The following PLCG2 variants were observed in gnomAD, a reference collection of about 807,000 sequenced individuals.
PLCG2 encodes phospholipase C gamma 2.
PLCG2 carries 69 observed loss-of-function variants against 175.6 expected under a neutral mutation model. That is an observed-to-expected ratio of 0.39 (90% CI 0.32 to 0.48). The LOEUF is 0.48. Ranked by LOEUF, PLCG2 falls within the 20% of genes least tolerant of loss-of-function variation. PLCG2 has a pLI of 0.91. For missense variants in PLCG2, 1,798 were observed against 1,650.9 expected (o/e 1.09, Z -1.54); for synonymous variants, 827 against 624.0 (o/e 1.33, Z -4.85).
At chr16:81,746,003 AG>A (rs1322002683) in intron 1 of PLCG2, among the ~76,000 whole-genome samples, 1 of 152,208 alleles carries the variant, frequency 6.6e-6, no homozygotes, top group Non-Finnish European at 1.5e-5. Flanking sequence ...TGTGTAAAGG[AG>A]GAAGAACAAG....
chr16:81,750,244 C>T (rs1001992333), intron 1 of PLCG2, among the ~76,000 whole-genome samples: 1 of 151,918 alleles, frequency 6.6e-6, no homozygotes, highest in Non-Finnish European at 1.5e-5. Flanking sequence ...TCCATCTCTG[C>T]TAAAAATACA....
intron 5 of PLCG2, among the ~76,000 whole-genome samples, chr16:81,859,952 A>T (rs918587940): frequency 6.6e-6 from 1 of 152,082 alleles, no homozygotes; most frequent in African/African-American, 2.4e-5. Flanking sequence ...TCAGTCCTGC[A>T]CAAAGCTCTA....
At chr16:81,829,858 C>T (rs185655633) in intron 2 of PLCG2, among the ~76,000 whole-genome samples, 189 of 151,770 alleles carry the variant, frequency 1.2e-3, no homozygotes, top group Non-Finnish European at 2.2e-3. Flanking sequence ...GAAGGAACCT[C>T]TGAGTGGGGG....
At chr16:81,957,920 G>T (rs1351223405) in intron 32 of PLCG2, 36 bp from the exon 33 acceptor site, 3 of 1,600,786 alleles carry the variant, frequency 1.9e-6, no homozygotes, top group Non-Finnish European at 2.6e-6. Context: ...CATTTCTCAT[G>T]GCCCACTGCT....
At chr16:81,881,037 CTG>C in intron 8 of PLCG2, 84 bp downstream of exon 8, 1 of 1,386,728 alleles carries the variant, frequency 7.2e-7, no homozygotes, top group Admixed American at 1.7e-5. Context: ...GAGGGGATGC[CTG>C]TGTGTGCAGG....
chr16:81,778,063 A>AAAACAAAAAAAC (rs774506846), upstream of PLCG2, among the ~76,000 whole-genome samples: 268 of 104,792 alleles, frequency 2.6e-3, 10 homozygotes, highest in Non-Finnish European at 3.4e-3. Flanking sequence ...AACAAAAAAA[A>AAAACAAAAAAAC]CCAAAAACAC....
At chr16:81,749,162 G>T (rs1356704561) in intron 1 of PLCG2, among the ~76,000 whole-genome samples, 1 of 152,048 alleles carries the variant, frequency 6.6e-6, no homozygotes, top group African/African-American at 2.4e-5. Flanking sequence ...TCACACTACT[G>T]GTTGGGTGGT....
chr16:81,892,155 C>A (rs1445707763), intron 11 of PLCG2, among the ~76,000 whole-genome samples: 1 of 152,204 alleles, frequency 6.6e-6, no homozygotes, highest in Non-Finnish European at 1.5e-5. Flanking sequence ...GCAGGAACAA[C>A]TGAGAGGAGT....
chr16:81,873,927 G>T (rs561725223), intron 7 of PLCG2, among the ~76,000 whole-genome samples: 1 of 152,148 alleles, frequency 6.6e-6, no homozygotes, highest in African/African-American at 2.4e-5. Flanking sequence ...AGGCTAGTCT[G>T]TGTGTTTGTG....
chr16:81,897,128 A>G (rs1487531268), intron 13 of PLCG2, among the ~76,000 whole-genome samples: 1 of 152,248 alleles, frequency 6.6e-6, no homozygotes, highest in African/African-American at 2.4e-5. Context: ...CTTGAATTAC[A>G]CATTACAAAA....
chr16:81,890,804 T>A (rs748943491), intron 10 of PLCG2, among the ~76,000 whole-genome samples: 3 of 152,208 alleles, frequency 2.0e-5, no homozygotes, highest in Non-Finnish European at 4.4e-5. Context: ...CTGATATGGA[T>A]AACACTCTGT....
At chr16:81,908,365 C>G (rs758353499) in intron 16 of PLCG2, 51 bp from the exon 17 acceptor site, 8 of 1,529,394 alleles carry the variant, frequency 5.2e-6, no homozygotes, top group African/African-American at 2.7e-5. Flanking sequence ...TCTAGTGATG[C>G]TGGGGTTTGG....
intron 7 of PLCG2, among the ~76,000 whole-genome samples, chr16:81,875,028 A>G (rs1907711289): frequency 1.4e-5 from 2 of 138,932 alleles, no homozygotes; most frequent in Admixed American, 1.6e-4. Context: ...CAATGGCACG[A>G]TCTTGATTCA....
At chr16:81,817,638 A>G (rs1392766742) in intron 2 of PLCG2, among the ~76,000 whole-genome samples, 1 of 152,106 alleles carries the variant, frequency 6.6e-6, no homozygotes, top group Non-Finnish European at 1.5e-5. Context: ...TGATTATTTT[A>G]TTTTATCTAT....
rs137996393 is a variant in PLCG2 at position 81,881,187 on chromosome 16, C to T, written c.692+234C>T. 2.3e-3 allele frequency among the ~76,000 whole-genome samples: 352 copies of T among 151,834 alleles called. 12 individuals carry two copies. The East Asian group carries it at 0.038, about 17-fold the overall frequency. On this transcript the variant is annotated intron_variant, in intron 8 of 32. Transcript: ENST00000564138. ...GGTCCAGAAAGTTCTGTAGAAAAGC[C>T]TGTGTGCCTCAGGGCCTCCTTTCCC...
At chr16:81,870,109 A>G (rs567629789) in intron 6 of PLCG2, among the ~76,000 whole-genome samples, 6 of 152,230 alleles carry the variant, frequency 3.9e-5, no homozygotes, top group Non-Finnish European at 7.3e-5. Flanking sequence ...AATATTCCAC[A>G]TTAATCCAAT....
chr16:81,956,813 C>A lies in PLCG2; in HGVS notation c.3689C>A (p.Ala1230Asp), dbSNP rs542811647. Reference protein sequence around the residue: ...HQNLRNANRDALVKEFSVNEN... With the variant: ...HQNLRNANRDDLVKEFSVNEN... ...AACTTGCGCAATGCCAACCGGGATG[C>A]CCTGGTTAAAGAGTTCAGTGTTAAT... Residue 1230 changes from alanine to aspartate, a missense_variant, in exon 32 of 33, where the codon GCC becomes GAC. Physicochemically the swap from Ala to Asp is moderately radical, Grantham distance 126. Coordinates refer to ENST00000564138, the MANE Select transcript of PLCG2 (RefSeq NM_002661.5). The A allele has an allele frequency of 6.2e-7, 1 of 1,614,086 alleles. No individual in the cohort carries two copies. Among genetic ancestry groups the A allele is most frequent in the African/African-American group, 1.3e-5 (1 of 75,046 alleles).
At chr16:81,749,584 C>A (rs1029379318) in intron 1 of PLCG2, among the ~76,000 whole-genome samples, 1 of 152,172 alleles carries the variant, frequency 6.6e-6, no homozygotes, top group East Asian at 1.9e-4. Context: ...AAACTCCTGA[C>A]CTCAAGTGAT....
In PLCG2 at chr16:81,928,627, A is replaced by T; in HGVS notation, c.2581+3A>T. On this transcript the variant is annotated splice_donor_region_variant and intron_variant, in intron 24 of 32. Transcript: ENST00000564138. ...GGACCTCAATACCTATAACGTCGGT[A>T]CGTGCACACATCATCTTAGCCTGGA... 6.3e-7 allele frequency: 1 copy of T among 1,588,560 alleles called. No individual in the cohort carries two copies. Among genetic ancestry groups the T allele is most frequent in the Non-Finnish European group, 8.6e-7 (1 of 1,156,646 alleles).
Sources: gnomAD v4.1 joint callset for allele counts (sites outside exome capture counted in the v4.1 genomes callset) on GRCh38, gnomAD v4.1.1 for gene constraint, MANE v1.5 for transcripts, NCBI Gene and HGNC (gene_info 2026-07-23, HGNC 2026-07-21) for gene names.